The following KIF26B variants were observed in gnomAD, a reference collection of about 807,000 sequenced individuals.
KIF26B encodes the protein kinesin family member 26B.
In KIF26B, 63 loss-of-function variants were observed where a neutral mutation model predicts 151.2. The observed-to-expected ratio is 0.42, with a 90% CI of 0.34 to 0.51. The LOEUF (loss-of-function observed/expected upper bound fraction) is 0.51. Among genes scored for constraint, KIF26B ranks in the 20% least tolerant of loss-of-function variants. KIF26B has a pLI of 0.07. For missense variants in KIF26B, 2,813 were observed against 2,913.6 expected, an observed-to-expected ratio of 0.97 and a Z score of 0.79; for synonymous variants, 1,357 against 1,262.1, an observed-to-expected ratio of 1.08 and a Z score of -1.59.
intron 3 of KIF26B, among the ~76,000 whole-genome samples, chr1:245,411,540 C>T (rs1323160219): frequency 6.6e-6 from 1 of 152,180 alleles, no homozygotes; most frequent in Admixed American, 6.5e-5. Context: ...TGAAGCATTT[C>T]ACCTCGCCGG....
At chr1:245,262,267 C>T (rs1169743115) in intron 2 of KIF26B, among the ~76,000 whole-genome samples, 1 of 152,112 alleles carries the variant, frequency 6.6e-6, no homozygotes, top group African/African-American at 2.4e-5. Flanking sequence ...ATTTTGATTA[C>T]CTGTGATTTT....
chr1:245,368,341 G>C (rs1673013097), intron 3 of KIF26B, among the ~76,000 whole-genome samples: 1 of 152,168 alleles, frequency 6.6e-6, no homozygotes, highest in Admixed American at 6.5e-5. Flanking sequence ...TGTTGGATGA[G>C]GACTGGATTT....
intron 2 of KIF26B, among the ~76,000 whole-genome samples, chr1:245,184,047 G>GTTTTTTTTTTTTTTTTTTT (rs1469137088): frequency 0.014 from 126 of 9,210 alleles, 5 homozygotes; most frequent in Non-Finnish European, 0.016. Flanking sequence ...GGTGGGAGTT[G>GTTTTTTTTTTTTTTTTTTT]TTGTTTTTTT....
intron 2 of KIF26B, among the ~76,000 whole-genome samples, chr1:245,330,010 T>A (rs1672068101): frequency 1.3e-5 from 2 of 151,990 alleles, no homozygotes. Context: ...TCTTGCTATG[T>A]TGCCCAGGCT....
chr1:245,425,011 A>G (rs1658586169), intron 4 of KIF26B, among the ~76,000 whole-genome samples: 1 of 151,994 alleles, frequency 6.6e-6, no homozygotes, highest in South Asian at 2.1e-4. Context: ...CTGATCGTCA[A>G]GTTGGTTAAC....
rs1167449057 is a variant in KIF26B, at chr1:245,241,293, G to A, written c.465+84610G>A. On this transcript the variant is annotated intron_variant, in intron 2 of 14. Coordinates refer to ENST00000407071, the MANE Select transcript of KIF26B (RefSeq NM_018012.4). The surrounding 1 kb of genome is among the most constrained non-coding windows in gnomAD (Gnocchi z 5.0). ...AGACCACGAAGCCAGAGGGTGCCCC[G>A]ACAGAGGAAAAGCGGCCGGTGGGTT... Among the ~76,000 whole-genome samples the A allele has an allele frequency of 2.0e-5, 3 of 152,046 alleles. No homozygotes were observed. Among genetic ancestry groups the A allele is most frequent in the Admixed American group, 2.0e-4 (3 of 15,268 alleles).
In KIF26B at chr1:245,668,888, G is replaced by A. The variant is rs182415287; in HGVS notation, c.2259-15345G>A. Among the ~76,000 whole-genome samples, 28 of 151,866 alleles carry A rather than the reference G, an allele frequency of 1.8e-4. 1 individual carries two copies. Among genetic ancestry groups the A allele is most frequent in the Admixed American group, 1.3e-4 (2 of 15,234 alleles). The stretch of plus-strand genomic sequence containing the variant: ...GTAGTTTTAGTAGAGATGGGGTTTC[G>A]CCATGTTGGCCAGGCTGGTCGCGAA... On this transcript the variant is annotated intron_variant, in intron 10 of 14. Coordinates refer to ENST00000407071, the MANE Select transcript of KIF26B (RefSeq NM_018012.4).
At chr1:245,305,145 A>C (rs983844202) in intron 2 of KIF26B, among the ~76,000 whole-genome samples, 2 of 152,250 alleles carry the variant, frequency 1.3e-5, no homozygotes, top group Non-Finnish European at 2.9e-5. Context: ...TTGATATAAC[A>C]AAATTGTTGT....
Position 245,552,287 on chromosome 1 carries a change from C to T in KIF26B, c.1350+11337C>T, listed in dbSNP as rs191379429. Among the ~76,000 whole-genome samples, 169 of 151,916 alleles carry T rather than the reference C, an allele frequency of 1.1e-3. 1 individual carries two copies. In the South Asian group the frequency reaches 0.033, roughly 30 times the overall value. On this transcript the variant is annotated intron_variant, in intron 5 of 14. Transcript: ENST00000407071. Reference sequence around the variant, plus strand: ...CAGCTGGAGTCCAAAGGCGGGCAGCCGACAAGCAGAATTCCTTCTTGCTCA... The same window carrying T: ...CAGCTGGAGTCCAAAGGCGGGCAGCTGACAAGCAGAATTCCTTCTTGCTCA...
chr1:245,575,291 A>G (rs2043108447), intron 5 of KIF26B, among the ~76,000 whole-genome samples: 1 of 151,954 alleles, frequency 6.6e-6, no homozygotes, highest in Non-Finnish European at 1.5e-5. Flanking sequence ...CCTGGTCAAC[A>G]TGGTGAAACC....
intron 12 of KIF26B, 143 bp from the exon 13 acceptor site, chr1:245,697,963 C>G: frequency 1.4e-6 from 1 of 704,192 alleles, no homozygotes; most frequent in South Asian, 2.1e-5. Flanking sequence ...ATTGCTTGAG[C>G]CCAGGAATTC....
At chr1:245,662,248 T>A (rs1350704955) in intron 10 of KIF26B, among the ~76,000 whole-genome samples, 1 of 149,538 alleles carries the variant, frequency 6.7e-6, no homozygotes, top group Non-Finnish European at 1.5e-5. Context: ...ATGATATATC[T>A]ATACACACAC....
chr1:245,351,157 C>T (rs867917598), intron 2 of KIF26B, among the ~76,000 whole-genome samples: 1 of 152,194 alleles, frequency 6.6e-6, no homozygotes, highest in African/African-American at 2.4e-5. Context: ...TTTCCCTGTC[C>T]GCATGGAGGG....
Position 245,687,831 on chromosome 1 carries a change from C to T in KIF26B, c.4848C>T (p.His1616=). 1 of 1,596,620 alleles carries T rather than the reference C, an allele frequency of 6.3e-7. No individual in the cohort carries two copies. The highest frequency in any genetic ancestry group is 8.5e-7 in the Non-Finnish European group (1 of 1,172,324). ...AGAAGAACCGGGCCAGCCCTCAGCA[C>T]AGTGCCAGCGGCAGCGGCACCAGCA... ...LDQKNRASPQ[H]SASGSGTSSP... Residue 1616 remains histidine (H), a synonymous_variant, in exon 12 of 15, where the codon CAC becomes CAT. Coordinates refer to ENST00000407071, the MANE Select transcript of KIF26B (RefSeq NM_018012.4). This position sits in a 1 kb window ranked among gnomAD's most constrained non-coding sequence, Gnocchi z 4.9.
chr1:245,468,394 G>T (rs1424136223), intron 4 of KIF26B, among the ~76,000 whole-genome samples: 1 of 150,402 alleles, frequency 6.6e-6, no homozygotes, highest in Non-Finnish European at 1.5e-5. Flanking sequence ...TTGCCTCTGA[G>T]GATTCTCTTC....
intron 4 of KIF26B, among the ~76,000 whole-genome samples, chr1:245,484,041 G>A (rs1660224299): frequency 6.6e-6 from 1 of 151,540 alleles, no homozygotes; most frequent in Non-Finnish European, 1.5e-5. Flanking sequence ...TGAATTGTTA[G>A]TTCTTTGCTT....
intron 2 of KIF26B, among the ~76,000 whole-genome samples, chr1:245,340,274 C>A (rs1175835970): frequency 6.6e-6 from 1 of 152,032 alleles, no homozygotes; most frequent in Admixed American, 6.6e-5. Flanking sequence ...TGAAATGATG[C>A]CTAGATTACC....
chr1:245,673,670 A>G (rs1027594547), intron 10 of KIF26B: 3 of 152,274 alleles, frequency 2.0e-5, no homozygotes, highest in African/African-American at 7.2e-5. Context: ...CATCAAATAT[A>G]AACTTCACAT....
intron 5 of KIF26B, among the ~76,000 whole-genome samples, chr1:245,547,511 G>A (rs1330413643): frequency 6.6e-6 from 1 of 150,572 alleles, no homozygotes; most frequent in Non-Finnish European, 1.5e-5. Flanking sequence ...ACTTGAACCC[G>A]GGAGGCGGAG....
Sources: gnomAD v4.1 joint callset for allele counts (sites outside exome capture counted in the v4.1 genomes callset) on GRCh38, gnomAD v4.1.1 for gene constraint, Gnocchi (gnomAD v3.1) non-coding constraint, MANE v1.5 for transcripts, NCBI Gene and HGNC (gene_info 2026-07-23, HGNC 2026-07-21) for gene names.